SETBP1: variants seen among roughly 807,000 people sequenced by gnomAD.
SETBP1 encodes the protein SET binding protein 1.
SETBP1 carries 9 observed loss-of-function variants against 101.0 expected under a neutral mutation model. The observed-to-expected ratio is 0.09, with a 90% CI of 0.05 to 0.16. The LOEUF is 0.16. SETBP1 is among the 10% of genes least tolerant of loss of function. The probability of loss-of-function intolerance (pLI) is 1.00; values close to 1 mark genes in which losing one functional copy is unlikely to be tolerated. For synonymous variants in SETBP1, 818 were observed against 788.5 expected (o/e 1.04, Z -0.63); for missense variants, 1,858 against 2,033.8 (o/e 0.91, Z 1.66).
chr18:44,908,689 A>G (rs2070234590), intron 3 of SETBP1, among the ~76,000 whole-genome samples: 1 of 152,136 alleles, frequency 6.6e-6, no homozygotes, highest in African/African-American at 2.4e-5. Context: ...GCATTTCAAT[A>G]TGAATTTTAG....
At chr18:44,832,799 C>G (rs1444535553) in intron 2 of SETBP1, among the ~76,000 whole-genome samples, 1 of 152,212 alleles carries the variant, frequency 6.6e-6, no homozygotes, top group Non-Finnish European at 1.5e-5. Flanking sequence ...TCTACCCACA[C>G]ACTACTCGAT....
intron 4 of SETBP1, among the ~76,000 whole-genome samples, chr18:45,007,367 A>T (rs1375383870): frequency 6.6e-6 from 1 of 152,016 alleles, no homozygotes; most frequent in African/African-American, 2.4e-5. Flanking sequence ...AACAATACAC[A>T]TCTTGAGGGT....
chr18:44,859,632 G>A (rs1466565773), intron 2 of SETBP1, among the ~76,000 whole-genome samples: 3 of 152,190 alleles, frequency 2.0e-5, no homozygotes, highest in Non-Finnish European at 2.9e-5. Context: ...ATTTAAGATA[G>A]ATAATGAAGT....
intron 2 of SETBP1, among the ~76,000 whole-genome samples, chr18:44,731,660 GCACA>G (rs140767298): frequency 6.6e-6 from 1 of 150,614 alleles, no homozygotes; most frequent in Non-Finnish European, 1.5e-5. Context: ...ACACGCGCAC[GCACA>G]CACACACACA....
chr18:44,688,157 T>C (rs1413176061), intron 1 of SETBP1, among the ~76,000 whole-genome samples: 4 of 152,214 alleles, frequency 2.6e-5, no homozygotes, highest in Non-Finnish European at 5.9e-5. Flanking sequence ...CAGGATCTAG[T>C]AAAGGATTTG....
At chr18:44,810,665 T>C (rs1028475436) in intron 2 of SETBP1, among the ~76,000 whole-genome samples, 2 of 152,160 alleles carry the variant, frequency 1.3e-5, no homozygotes, top group Non-Finnish European at 2.9e-5. Flanking sequence ...TCCACTTGGG[T>C]TTGGGAAGTA....
At chr18:45,044,151 A>T (rs898616524) in intron 5 of SETBP1, among the ~76,000 whole-genome samples, 3 of 152,252 alleles carry the variant, frequency 2.0e-5, no homozygotes, top group Admixed American at 2.0e-4. Flanking sequence ...ATAAAGGTGC[A>T]ATTTGATAGG....
In SETBP1 at chr18:45,064,707, A is replaced by C. The variant is rs1204729051; in HGVS notation, c.*1009A>C. The C allele has an allele frequency of 6.6e-6, 1 of 152,090 alleles. No individual in the cohort carries two copies. The highest frequency in any genetic ancestry group is 2.4e-5 in the African/African-American group (1 of 41,396). 9.4% of individuals were successfully genotyped at this position (152,090 alleles called of 1,614,324 possible). On this transcript the variant is annotated 3_prime_UTR_variant, in exon 6 of 6. Transcript: ENST00000649279. The stretch of plus-strand genomic sequence containing the variant: ...CCCCACAGCAAATAGAGTAACTGAC[A>C]AACCACCAAAAACTGAAACCCCAGA...
At chr18:45,051,117 G>A (rs2073713653) in intron 5 of SETBP1, among the ~76,000 whole-genome samples, 1 of 152,058 alleles carries the variant, frequency 6.6e-6, no homozygotes, top group Non-Finnish European at 1.5e-5. Flanking sequence ...TTTTGTTTAT[G>A]ACTCACTCTC....
intron 1 of SETBP1, among the ~76,000 whole-genome samples, chr18:44,689,980 A>C (rs1290352928): frequency 6.6e-6 from 1 of 152,210 alleles, no homozygotes; most frequent in African/African-American, 2.4e-5. Flanking sequence ...AGACTTCCAC[A>C]CATAGCACAC....
At chr18:44,850,472 G>A (rs576508172) in intron 2 of SETBP1, among the ~76,000 whole-genome samples, 1 of 152,002 alleles carries the variant, frequency 6.6e-6, no homozygotes, top group Non-Finnish European at 1.5e-5. Context: ...CCTGGTTCAA[G>A]CAATTCTCCT....
intron 4 of SETBP1, among the ~76,000 whole-genome samples, chr18:45,025,931 A>G (rs2073156192): frequency 2.0e-5 from 3 of 152,214 alleles, no homozygotes; most frequent in Non-Finnish European, 4.4e-5. Context: ...ATTTATGTGC[A>G]CGCATGCACT....
chr18:44,856,621 A>T (rs1286741113), intron 2 of SETBP1, among the ~76,000 whole-genome samples: 2 of 152,220 alleles, frequency 1.3e-5, no homozygotes, highest in Non-Finnish European at 1.5e-5. Flanking sequence ...GATTATCAAG[A>T]ATGCCTGCCA....
intron 3 of SETBP1, among the ~76,000 whole-genome samples, chr18:44,918,128 C>T (rs2070487968): frequency 6.6e-6 from 1 of 152,178 alleles, no homozygotes; most frequent in Non-Finnish European, 1.5e-5. Flanking sequence ...AAACAGTTGT[C>T]AGACAATTGG....
chr18:44,731,384 A>C (rs1471914756), intron 2 of SETBP1, among the ~76,000 whole-genome samples: 1 of 152,272 alleles, frequency 6.6e-6, no homozygotes, highest in East Asian at 1.9e-4. Context: ...GACAGAAAAC[A>C]GGGTCCGCAG....
chr18:44,707,792 A>C (rs576122358), intron 2 of SETBP1, among the ~76,000 whole-genome samples: 1 of 152,314 alleles, frequency 6.6e-6, no homozygotes, highest in South Asian at 2.1e-4. Context: ...TAATTCTGTA[A>C]GTAGCAGGGG....
intron 4 of SETBP1, among the ~76,000 whole-genome samples, chr18:44,956,447 C>T (rs1174902577): frequency 6.6e-6 from 1 of 151,968 alleles, no homozygotes; most frequent in African/African-American, 2.4e-5. Flanking sequence ...GTGACTTTAT[C>T]TGAGTGGAGG....
intron 1 of SETBP1, among the ~76,000 whole-genome samples, chr18:44,688,258 C>A (rs2068869146): frequency 6.6e-6 from 1 of 152,184 alleles, no homozygotes; most frequent in South Asian, 2.1e-4. Context: ...ATTTTCAGTT[C>A]TGTCAGTGGA....
intron 2 of SETBP1, among the ~76,000 whole-genome samples, chr18:44,765,983 G>T (rs2070756952): frequency 6.6e-6 from 1 of 152,302 alleles, no homozygotes; most frequent in South Asian, 2.1e-4. Flanking sequence ...CCTGTAGTAG[G>T]ACTAAATCCA....
Sources: allele counts gnomAD v4.1 joint callset (sites outside exome capture counted in the v4.1 genomes callset), GRCh38; gene constraint gnomAD v4.1.1; transcripts MANE v1.5; gene names NCBI Gene and HGNC (gene_info 2026-07-23, HGNC 2026-07-21).